The following OPCML variants were observed in gnomAD, a reference collection of about 807,000 sequenced individuals.
OPCML encodes opioid binding protein/cell adhesion molecule like.
OPCML carries 13 observed loss-of-function variants against 37.8 expected under a neutral mutation model. The observed-to-expected ratio is 0.34, with a 90% CI of 0.22 to 0.55. The LOEUF is 0.55. Among genes scored for constraint, OPCML ranks in the 20% least tolerant of loss-of-function variants. The pLI is 0.91. For synonymous variants in OPCML, 176 were observed against 168.8 expected (o/e 1.04, Z -0.33); for missense variants, 341 against 435.6 (o/e 0.78, Z 1.93).
intron 2 of OPCML, among the ~76,000 whole-genome samples, chr11:132,757,430 G>A (rs11161392): frequency 9.9e-5 from 15 of 152,282 alleles, no homozygotes; most frequent in South Asian, 4.1e-4. Context: ...TTGTAAAAGC[G>A]TTCCTATTTC....
intron 1 of OPCML, among the ~76,000 whole-genome samples, chr11:133,454,760 A>G (rs1238107280): frequency 6.6e-6 from 1 of 152,206 alleles, no homozygotes; most frequent in Non-Finnish European, 1.5e-5. Context: ...GAGGACTTTA[A>G]GAATAAGGTC....
At chr11:133,335,873 C>T (rs1439517249) in intron 1 of OPCML, among the ~76,000 whole-genome samples, 1 of 151,980 alleles carries the variant, frequency 6.6e-6, no homozygotes, top group Non-Finnish European at 1.5e-5. Context: ...TCACTGCAGG[C>T]TCAGGGTGTC....
chr11:132,570,787 ATATATATATATATATT>A (rs1448813189), intron 3 of OPCML, among the ~76,000 whole-genome samples: 26 of 123,012 alleles, frequency 2.1e-4, no homozygotes, highest in Non-Finnish European at 3.1e-4. Flanking sequence ...ATATATATAT[ATATATATATATATATT>A]TAGAGAGAGA....
At chr11:133,276,313 A>T (rs1941992320) in intron 1 of OPCML, among the ~76,000 whole-genome samples, 2 of 152,252 alleles carry the variant, frequency 1.3e-5, no homozygotes, top group Admixed American at 6.5e-5. Context: ...AGAACAGAGA[A>T]CCTGAAAGAG....
At chr11:133,265,184 C>A (rs1480352351) in intron 1 of OPCML, among the ~76,000 whole-genome samples, 1 of 152,150 alleles carries the variant, frequency 6.6e-6, no homozygotes, top group Non-Finnish European at 1.5e-5. Context: ...CATCTCCCTG[C>A]CGCTTCATCC....
intron 2 of OPCML, among the ~76,000 whole-genome samples, chr11:132,731,011 T>C (rs1239108333): frequency 6.6e-6 from 1 of 152,178 alleles, no homozygotes; most frequent in Non-Finnish European, 1.5e-5. Flanking sequence ...GTCTGCTTCG[T>C]TATTATTGTT....
intron 2 of OPCML, among the ~76,000 whole-genome samples, chr11:132,725,529 T>C (rs1944846941): frequency 6.6e-6 from 1 of 152,206 alleles, no homozygotes; most frequent in Non-Finnish European, 1.5e-5. Context: ...AATATTCGAC[T>C]CCTTGTTACT....
intron 1 of OPCML, among the ~76,000 whole-genome samples, chr11:132,987,507 A>G (rs577207447): frequency 1.6e-4 from 24 of 152,274 alleles, no homozygotes; most frequent in Non-Finnish European, 3.1e-4. Flanking sequence ...CCATTGCGAG[A>G]GAGTTTGTGT....
chr11:132,657,335 G>A lies in OPCML; in HGVS notation c.147-16C>T, dbSNP rs1565752426. The A allele has an allele frequency of 6.2e-7, 1 of 1,613,068 alleles. No homozygotes were observed. Among genetic ancestry groups the A allele is most frequent in the African/African-American group, 1.3e-5 (1 of 75,060 alleles). On this transcript the variant is annotated splice_polypyrimidine_tract_variant and intron_variant, in intron 2 of 7. Transcript: ENST00000524381. ...TATGGTACACCTGCAGTGAGGCAGG[G>A]AGTGGTGGAGGGAGGAAGAAGGGAA...
At chr11:133,297,534 C>T (rs1432324947) in intron 1 of OPCML, 1 of 152,140 alleles carries the variant, frequency 6.6e-6, no homozygotes, top group Non-Finnish European at 1.5e-5. Flanking sequence ...ATGCATACGT[C>T]CCAGCTGCCT....
intron 3 of OPCML, among the ~76,000 whole-genome samples, chr11:132,593,122 G>A (rs1378718492): frequency 3.9e-5 from 6 of 152,154 alleles, no homozygotes; most frequent in Non-Finnish European, 8.8e-5. Flanking sequence ...AGAAAGTCAG[G>A]GCAGGTGTGC....
At chr11:132,880,919 C>T (rs1477749965) in intron 2 of OPCML, among the ~76,000 whole-genome samples, 1 of 152,204 alleles carries the variant, frequency 6.6e-6, no homozygotes, top group Non-Finnish European at 1.5e-5. Context: ...GAAGACAACA[C>T]TCCCCACCCC....
chr11:132,985,076 T>G (rs777068421), intron 1 of OPCML, among the ~76,000 whole-genome samples: 3 of 152,212 alleles, frequency 2.0e-5, no homozygotes, highest in Admixed American at 6.5e-5. Flanking sequence ...ACACATAATC[T>G]GGCTTTCATT....
intron 1 of OPCML, among the ~76,000 whole-genome samples, chr11:133,419,685 G>A (rs1945842398): frequency 6.6e-6 from 1 of 152,176 alleles, no homozygotes; most frequent in African/African-American, 2.4e-5. Flanking sequence ...ATCAGCAAAT[G>A]CTGCAAATCA....
Position 132,457,773 on chromosome 11 carries a change from C to T in OPCML, c.506-20414G>A, listed in dbSNP as rs550738707. Among the ~76,000 whole-genome samples the T allele has an allele frequency of 3.3e-5, 5 of 152,336 alleles. No individual in the cohort carries two copies. The South Asian group carries it at 8.3e-4, about 25-fold the overall frequency. On this transcript the variant is annotated intron_variant, in intron 4 of 7. Coordinates refer to ENST00000524381, the MANE Select transcript of OPCML (RefSeq NM_001012393.5). ...CCCCAGCTGCCTGGTGTACGGTCTG[C>T]TGAGCCCTCTGGGGAACTGAGGCAA...
At chr11:133,273,301 C>T (rs1184451750) in intron 1 of OPCML, among the ~76,000 whole-genome samples, 1 of 152,104 alleles carries the variant, frequency 6.6e-6, no homozygotes, top group African/African-American at 2.4e-5. Context: ...GGCCTCTGGA[C>T]TGCAAAAGCG....
intron 2 of OPCML, among the ~76,000 whole-genome samples, chr11:132,822,093 G>A (rs942012094): frequency 6.6e-6 from 1 of 152,128 alleles, no homozygotes; most frequent in Non-Finnish European, 1.5e-5. Flanking sequence ...CCTCAGACCA[G>A]CAAGCCTGGC....
At chr11:132,578,657 C>T (rs1278692346) in intron 3 of OPCML, among the ~76,000 whole-genome samples, 1 of 152,154 alleles carries the variant, frequency 6.6e-6, no homozygotes, top group Admixed American at 6.5e-5. Context: ...ACCAGTAGCT[C>T]TGCCTGTCTT....
At chr11:133,392,716 G>A (rs757999614) in intron 1 of OPCML, among the ~76,000 whole-genome samples, 3 of 152,198 alleles carry the variant, frequency 2.0e-5, no homozygotes, top group Non-Finnish European at 4.4e-5. Context: ...AAACCAAGAG[G>A]AAGTAAGATG....
Sources: gnomAD v4.1 joint callset for allele counts (sites outside exome capture counted in the v4.1 genomes callset) on GRCh38, gnomAD v4.1.1 for gene constraint, MANE v1.5 for transcripts, NCBI Gene and HGNC (gene_info 2026-07-23, HGNC 2026-07-21) for gene names.